The following ACOT1 variants were observed in gnomAD, a reference collection of about 807,000 sequenced individuals.
ACOT1 encodes the protein acyl-coenzyme A thioesterase 1.
A neutral mutation model predicts 15.7 loss-of-function variants in ACOT1; 8 were observed. The ratio of observed to expected loss-of-function variants is 0.51; its 90% CI spans 0.30 to 0.92. ACOT1 has a LOEUF of 0.92. Ranked by LOEUF, ACOT1 falls within the 40% of genes least tolerant of loss-of-function variation. The pLI is 0.06. For synonymous variants in ACOT1, 67 were observed against 241.2 expected, an observed-to-expected ratio of 0.28 and a Z score of 6.69; for missense variants, 151 against 539.4, an observed-to-expected ratio of 0.28 and a Z score of 7.13.
At chr14:73,508,142 C>T in the ACOT1 span, 1 of 1,614,052 alleles carries the variant, frequency 6.2e-7, no homozygotes, top group Non-Finnish European at 8.5e-7. Context: ...ACTGTCTTCT[C>T]ACTCAGATAG....
At chr14:73,542,905 G>A (rs1173624064) in intron 2 of ACOT1, 145 bp from the exon 3 acceptor site, 3 of 848,146 alleles carry the variant, frequency 3.5e-6, no homozygotes, top group South Asian at 3.8e-5. Flanking sequence ...TAGAGGGGAG[G>A]TAAATTCCCA....
the ACOT1 span, among the ~76,000 whole-genome samples, chr14:73,521,787 C>T: frequency 5.9e-5 from 9 of 152,182 alleles, no homozygotes; most frequent in Non-Finnish European, 7.3e-5. Flanking sequence ...GACCAAACCT[C>T]GGTGCTATGA....
At chr14:73,518,903 G>C in the ACOT1 span, 2 of 923,670 alleles carry the variant, frequency 2.2e-6, no homozygotes, top group Non-Finnish European at 3.3e-6. Flanking sequence ...GGATTGCCTA[G>C]ATGCTAATGG....
At chr14:73,491,261 G>A in the ACOT1 span, 2 of 1,576,828 alleles carry the variant, frequency 1.3e-6, no homozygotes, top group Non-Finnish European at 1.7e-6. Flanking sequence ...GCTACCCGGT[G>A]GGGCGGCGGT....
chr14:73,496,648 A>C, the ACOT1 span: 3 of 1,597,010 alleles, frequency 1.9e-6, no homozygotes, highest in Middle Eastern at 5.0e-4. Flanking sequence ...TCATTTCCTA[A>C]GTTGAGTATC....
At chr14:73,509,847 TATATATATATA>T in the ACOT1 span, among the ~76,000 whole-genome samples, 1 of 84,442 alleles carries the variant, frequency 1.2e-5, no homozygotes, top group Non-Finnish European at 2.5e-5. Flanking sequence ...TATATATATA[TATATATATATA>T]TATATATATA....
chr14:73,514,835 G>A, the ACOT1 span, among the ~76,000 whole-genome samples: 1 of 151,886 alleles, frequency 6.6e-6, no homozygotes, highest in Non-Finnish European at 1.5e-5. Context: ...TTGGGAGGCC[G>A]AGGCGAGCAG....
At chr14:73,525,700 C>A in the ACOT1 span, among the ~76,000 whole-genome samples, 1 of 152,154 alleles carries the variant, frequency 6.6e-6, no homozygotes, top group African/African-American at 2.4e-5. Flanking sequence ...CGTCAGTAAT[C>A]CCAGAACTTT....
At chr14:73,525,680 C>T in the ACOT1 span, among the ~76,000 whole-genome samples, 7 of 152,126 alleles carry the variant, frequency 4.6e-5, no homozygotes, top group East Asian at 1.9e-4. Flanking sequence ...AGGCCGGATG[C>T]GGTGGCTCAC....
chr14:73,502,114 G>A, the ACOT1 span, among the ~76,000 whole-genome samples: 3 of 148,616 alleles, frequency 2.0e-5, no homozygotes, highest in South Asian at 2.1e-4. Flanking sequence ...GGCTGGTCTC[G>A]AACTCCTGGG....
the ACOT1 span, chr14:73,521,003 C>T: frequency 6.2e-7 from 1 of 1,613,652 alleles, no homozygotes; most frequent in Admixed American, 1.7e-5. Flanking sequence ...CAGGCATGAT[C>T]TCAACTGTCT....
intron 2 of ACOT1, among the ~76,000 whole-genome samples, chr14:73,542,403 C>CTTTTTT (rs57839054): frequency 1.2e-5 from 1 of 83,466 alleles, no homozygotes; most frequent in African/African-American, 4.1e-5. Context: ...TTTTTTCTTT[C>CTTTTTT]TTTTTTTTTT....
chr14:73,531,382 A>G, the ACOT1 span, among the ~76,000 whole-genome samples: 816 of 104,718 alleles, frequency 7.8e-3, 123 homozygotes, highest in African/African-American at 0.024. Context: ...CATCTTATTT[A>G]TTGATTATTT....
the ACOT1 span, chr14:73,518,925 A>C: frequency 8.1e-7 from 1 of 1,236,004 alleles, no homozygotes; most frequent in South Asian, 1.6e-5. Context: ...GCTTCAGCCC[A>C]TGAACTGGGA....
chr14:73,507,356 G>T, the ACOT1 span, among the ~76,000 whole-genome samples: 1 of 152,044 alleles, frequency 6.6e-6, no homozygotes, highest in Non-Finnish European at 1.5e-5. Flanking sequence ...CTACACCCAG[G>T]TTTACTCATG....
chr14:73,498,197 A>C, the ACOT1 span: 2 of 1,613,856 alleles, frequency 1.2e-6, no homozygotes, highest in Non-Finnish European at 1.7e-6. Flanking sequence ...CACGTCTAGG[A>C]AGGTGTCCCT....
chr14:73,541,844 T>C, intron 2 of ACOT1, 149 bp downstream of exon 2: 1 of 586,862 alleles, frequency 1.7e-6, no homozygotes. Context: ...AGACAGTTTC[T>C]TTCTTTCTTC....
chr14:73,527,987 G>A, the ACOT1 span, among the ~76,000 whole-genome samples: 1 of 141,080 alleles, frequency 7.1e-6, no homozygotes, highest in Non-Finnish European at 1.5e-5. Flanking sequence ...AAAAAAAAAG[G>A]AGTGATTTAG....
At chr14:73,513,562 C>T in the ACOT1 span, among the ~76,000 whole-genome samples, 1 of 151,346 alleles carries the variant, frequency 6.6e-6, no homozygotes, top group Admixed American at 6.6e-5. Context: ...CCCATCTCTA[C>T]CAAAGATACA....
Sources: gnomAD v4.1 joint callset for allele counts (sites outside exome capture counted in the v4.1 genomes callset) on GRCh38, gnomAD v4.1.1 for gene constraint, MANE v1.5 for transcripts, NCBI Gene and HGNC (gene_info 2026-07-23, HGNC 2026-07-21) for gene names.